MUSK: variants seen among roughly 807,000 people sequenced by gnomAD.
The protein encoded by MUSK is muscle associated receptor tyrosine kinase, also known as muscle, skeletal receptor tyrosine-protein kinase.
Under a neutral mutation model 88.7 loss-of-function variants are expected in MUSK, and 55 were observed. The ratio of observed to expected loss-of-function variants is 0.62; its 90% CI spans 0.50 to 0.78. The LOEUF (loss-of-function observed/expected upper bound fraction) is 0.78, where lower values mean the gene tolerates loss of function less well. Among genes scored for constraint, MUSK ranks in the 30% least tolerant of loss-of-function variants. The pLI is 0.00. For synonymous variants in MUSK, 387 were observed against 391.9 expected (o/e 0.99, Z 0.15); for missense variants, 1,015 against 1,074.3 (o/e 0.94, Z 0.77).
intron 7 of MUSK, among the ~76,000 whole-genome samples, chr9:110,754,953 T>C (rs1464638021): frequency 2.0e-5 from 3 of 152,234 alleles, no homozygotes; most frequent in African/African-American, 7.2e-5. Context: ...TATAATTTGT[T>C]GACATCATTG....
At chr9:110,720,963 C>A (rs1587952349) in intron 5 of MUSK, among the ~76,000 whole-genome samples, 1 of 151,958 alleles carries the variant, frequency 6.6e-6, no homozygotes, top group Non-Finnish European at 1.5e-5. Context: ...ATGTGATACA[C>A]CACATAAACA....
In MUSK at chr9:110,739,121, T is replaced by C. The variant is rs555937015; in HGVS notation, c.753+4746T>C. Among the ~76,000 whole-genome samples, 44 of 152,296 alleles carry C rather than the reference T, an allele frequency of 2.9e-4. 1 individual carries two copies. The highest frequency in any genetic ancestry group is 2.8e-3 in the Admixed American group (43 of 15,282). The stretch of plus-strand genomic sequence containing the variant: ...TTAGATTTTACAGGTGGGAATTACA[T>C]ACTTGTCTAATGTGTCTCCAAATTG... On this transcript the variant is annotated intron_variant, in intron 6 of 14. Transcript: ENST00000374448.
intron 2 of MUSK, among the ~76,000 whole-genome samples, chr9:110,684,516 A>C (rs1216795876): frequency 2.6e-5 from 4 of 151,802 alleles, no homozygotes. Flanking sequence ...TCTGTGAAGA[A>C]TGTCATCGGT....
chr9:110,692,505 C>G (rs1019321046), intron 3 of MUSK, among the ~76,000 whole-genome samples: 4 of 151,952 alleles, frequency 2.6e-5, no homozygotes, highest in African/African-American at 9.7e-5. Context: ...AAGACCAAAG[C>G]TTTTTAGAAA....
At chr9:110,709,005 G>C (rs2076635642) in intron 5 of MUSK, among the ~76,000 whole-genome samples, 1 of 152,080 alleles carries the variant, frequency 6.6e-6, no homozygotes, top group Admixed American at 6.6e-5. Flanking sequence ...TACATACACA[G>C]TAAAGGAAAA....
chr9:110,682,830 AT>A, intron 2 of MUSK, 30 bp downstream of exon 2: 2 of 1,563,518 alleles, frequency 1.3e-6, no homozygotes, highest in South Asian at 1.1e-5. Flanking sequence ...ATTTTTTTAA[AT>A]TTTTGTGGGT....
intron 8 of MUSK, 74 bp from the exon 9 acceptor site, chr9:110,767,744 CAA>C (rs113978287): frequency 1.1e-4 from 125 of 1,170,656 alleles, no homozygotes; most frequent in Admixed American, 3.4e-4. Flanking sequence ...ATGTGAAAAC[CAA>C]AAAAAAAAAG....
intron 5 of MUSK, among the ~76,000 whole-genome samples, chr9:110,698,762 A>G: frequency 6.6e-6 from 1 of 152,154 alleles, no homozygotes; most frequent in East Asian, 1.9e-4. Context: ...AGTTGCTGTA[A>G]TTTAATATCT....
At chr9:110,689,309 T>A (rs1369587196) in intron 3 of MUSK, among the ~76,000 whole-genome samples, 8 of 116,554 alleles carry the variant, frequency 6.9e-5, no homozygotes, top group Non-Finnish European at 9.6e-5. Context: ...ATATTTATAT[T>A]TAAATATATA....
At chr9:110,676,643 C>T (rs552669564) in intron 1 of MUSK, among the ~76,000 whole-genome samples, 35 of 152,098 alleles carry the variant, frequency 2.3e-4, no homozygotes, top group Non-Finnish European at 4.7e-4. Flanking sequence ...TAAGTGAAAA[C>T]GTGGTGTTTG....
rs908274684 is a variant in MUSK, at chr9:110,804,046, G to T, written c.*3058G>T. On this transcript the variant is annotated 3_prime_UTR_variant, in exon 15 of 15. Coordinates refer to ENST00000374448, the MANE Select transcript of MUSK (RefSeq NM_005592.4). ...CTGCTATCGTGGTAGAGCAGAAAAA[G>T]AACACTTTCTTTTCATTTTACAGTA... is the stretch of plus-strand genomic sequence containing the variant. Among the ~76,000 whole-genome samples the T allele has an allele frequency of 5.3e-5, 8 of 152,058 alleles. No individual in the cohort carries two copies. Among genetic ancestry groups the T allele is most frequent in the African/African-American group, 1.9e-4 (8 of 41,410 alleles).
intron 5 of MUSK, among the ~76,000 whole-genome samples, chr9:110,704,792 T>A (rs1195542133): frequency 1.3e-5 from 2 of 152,050 alleles, no homozygotes; most frequent in African/African-American, 4.8e-5. Flanking sequence ...GAGACCAGCC[T>A]GGCCAACATG....
At chr9:110,751,326 G>A (rs2077244824) in intron 7 of MUSK, among the ~76,000 whole-genome samples, 1 of 152,164 alleles carries the variant, frequency 6.6e-6, no homozygotes, top group Non-Finnish European at 1.5e-5. Context: ...CTAAAGGTCT[G>A]AGACAGGCAG....
At chr9:110,797,492 A>G (rs1161923493) in intron 14 of MUSK, among the ~76,000 whole-genome samples, 1 of 152,178 alleles carries the variant, frequency 6.6e-6, no homozygotes, top group Non-Finnish European at 1.5e-5. Flanking sequence ...GCAGAGGTCT[A>G]AGGAAAGGAA....
intron 5 of MUSK, among the ~76,000 whole-genome samples, chr9:110,733,288 C>T (rs939604368): frequency 2.6e-5 from 4 of 152,076 alleles, no homozygotes; most frequent in Admixed American, 6.6e-5. Flanking sequence ...TTCTTGTTAC[C>T]TTGGGAAACC....
chr9:110,771,919 C>A (rs1564281956), intron 9 of MUSK, among the ~76,000 whole-genome samples: 1 of 152,156 alleles, frequency 6.6e-6, no homozygotes, highest in Middle Eastern at 3.4e-3. Context: ...AATCATTAAT[C>A]CTTGCCAACA....
At chr9:110,751,790 G>A (rs906450171) in intron 7 of MUSK, among the ~76,000 whole-genome samples, 11 of 151,432 alleles carry the variant, frequency 7.3e-5, no homozygotes, top group African/African-American at 2.7e-4. Flanking sequence ...CTATAACTGG[G>A]ACCTGGGACT....
chr9:110,722,541 A>G, intron 5 of MUSK, among the ~76,000 whole-genome samples: 1 of 152,018 alleles, frequency 6.6e-6, no homozygotes, highest in East Asian at 1.9e-4. Context: ...GGAAGAAAAA[A>G]AAAAACATGG....
rs2077179885 is a variant in MUSK, at chr9:110,746,812, A to G, written c.754-829A>G. On this transcript the variant is annotated intron_variant, in intron 6 of 14. Transcript: ENST00000374448. ...TTTCGGTGACCTTGAGGTATTATGTATGTATTATGTATGTCATGCCTCAGA... is the reference window on the plus strand; with the variant it reads ...TTTCGGTGACCTTGAGGTATTATGTGTGTATTATGTATGTCATGCCTCAGA... 2.6e-5 allele frequency among the ~76,000 whole-genome samples: 4 copies of G among 152,048 alleles called. No homozygotes were observed. In the South Asian group the frequency reaches 8.3e-4, roughly 32 times the overall value.
Sources: gnomAD v4.1 joint callset for allele counts (sites outside exome capture counted in the v4.1 genomes callset) on GRCh38, gnomAD v4.1.1 for gene constraint, MANE v1.5 for transcripts, NCBI Gene and HGNC (gene_info 2026-07-23, HGNC 2026-07-21) for gene names.